The following CDH7 variants were observed in gnomAD, a reference collection of about 807,000 sequenced individuals.
The protein encoded by CDH7 is cadherin-7.
Under a neutral mutation model 71.8 loss-of-function variants are expected in CDH7, and 25 were observed. The ratio of observed to expected loss-of-function variants is 0.35; its 90% CI spans 0.25 to 0.49. The LOEUF (loss-of-function observed/expected upper bound fraction) is 0.49, where lower values mean the gene tolerates loss of function less well. CDH7 is among the 20% of genes least tolerant of loss of function. The probability of loss-of-function intolerance (pLI) is 0.99; values close to 1 mark genes in which losing one functional copy is unlikely to be tolerated. For synonymous variants in CDH7, 381 were observed against 363.8 expected (o/e 1.05, Z -0.54); for missense variants, 862 against 974.6 (o/e 0.88, Z 1.54).
chr18:65,864,446 T>G (rs1228737973), intron 11 of CDH7, among the ~76,000 whole-genome samples: 3 of 151,808 alleles, frequency 2.0e-5, no homozygotes, highest in Non-Finnish European at 4.4e-5. Flanking sequence ...TAGTCTATTT[T>G]ATGTGTGGCC....
At chr18:65,808,999 T>C (rs1487975621) in intron 2 of CDH7, among the ~76,000 whole-genome samples, 1 of 152,226 alleles carries the variant, frequency 6.6e-6, no homozygotes, top group Non-Finnish European at 1.5e-5. Flanking sequence ...GGTGCTGCCC[T>C]GCTGCTGATG....
In CDH7 at chr18:65,844,075, CATT is replaced by C. The variant is rs1568215710; in HGVS notation, c.1235+11_1235+13del. On this transcript the variant is annotated intron_variant, in intron 7 of 11. Coordinates refer to ENST00000397968, the MANE Select transcript of CDH7 (RefSeq NM_004361.5). ...CCAATAGCCCTGTGAGGTAAAAACTCATTGTTGTCCTTTTCTATGGTTTTACAA... is the reference window on the plus strand; with the variant it reads ...CCAATAGCCCTGTGAGGTAAAAACTCGTTGTCCTTTTCTATGGTTTTACAA... 15 of 1,609,172 alleles carry C rather than the reference CATT, an allele frequency of 9.3e-6. No individual in the cohort carries two copies. Among genetic ancestry groups the C allele is most frequent in the South Asian group, 2.2e-5 (2 of 90,882 alleles).
chr18:65,880,536 A>C lies in CDH7; in HGVS notation c.2000A>C (p.Asp667Ala). The change falls in exon 12 of 12, where the codon GAC becomes GCC. Residue 667 changes from aspartate to alanine, a missense_variant. By Grantham distance (126) the Asp-to-Ala change is moderately radical. Coordinates refer to ENST00000397968, the MANE Select transcript of CDH7 (RefSeq NM_004361.5). ...GGAGAGGAGGACACGGAAGCGTTTGACATGGCTGCACTGAGAAACCTCAAC... is the reference window on the plus strand; with the variant it reads ...GGAGAGGAGGACACGGAAGCGTTTGCCATGGCTGCACTGAGAAACCTCAAC... Reference protein sequence around the residue: ...GGGEEDTEAFDMAALRNLNVI... With the variant: ...GGGEEDTEAFAMAALRNLNVI... 6.2e-7 allele frequency: 1 copy of C among 1,613,806 alleles called. No individual in the cohort carries two copies. The highest frequency in any genetic ancestry group is 8.5e-7 in the Non-Finnish European group (1 of 1,179,950).
chr18:65,774,139 T>G (rs1267435978), intron 2 of CDH7, among the ~76,000 whole-genome samples: 4 of 152,006 alleles, frequency 2.6e-5, no homozygotes, highest in Non-Finnish European at 5.9e-5. Flanking sequence ...TTTCTGTTGA[T>G]ATTGGCATAA....
chr18:65,764,411 G>T (rs749330750), intron 2 of CDH7, among the ~76,000 whole-genome samples: 2 of 151,884 alleles, frequency 1.3e-5, no homozygotes, highest in African/African-American at 2.4e-5. Context: ...AAATACAGAG[G>T]TGTTTTGTGT....
intron 6 of CDH7, among the ~76,000 whole-genome samples, chr18:65,832,930 T>TA (rs1049990225): frequency 2.6e-5 from 4 of 151,812 alleles, no homozygotes; most frequent in East Asian, 1.9e-4. Context: ...TACTATAGAG[T>TA]AAAAAAAATG....
intron 2 of CDH7, among the ~76,000 whole-genome samples, chr18:65,782,974 A>G (rs1910369698): frequency 6.6e-6 from 1 of 152,200 alleles, no homozygotes; most frequent in African/African-American, 2.4e-5. Context: ...GACTGCAAAA[A>G]GGATAACTGT....
At position 65,809,643 on chromosome 18, in the gene CDH7, A is replaced by C. The variant is rs1448442520; in HGVS notation, c.211-61A>C. The C allele has an allele frequency of 3.0e-6, 4 of 1,343,786 alleles. No homozygotes were observed. In the African/African-American group the frequency reaches 5.9e-5, roughly 20 times the overall value. The allele number at this position is 1,343,786 out of a possible 1,614,324, so 83.2% of individuals were successfully genotyped here. ...TGCCTGACATAAGAATTATTTTTAC[A>C]TATCTCCATATCACTGACTCTCTTG... is the stretch of plus-strand genomic sequence containing the variant. On this transcript the variant is annotated intron_variant, in intron 2 of 11. Transcript: ENST00000397968.
intron 3 of CDH7, among the ~76,000 whole-genome samples, chr18:65,813,541 TATGTTA>T (rs1377817647): frequency 1.2e-4 from 19 of 152,180 alleles, no homozygotes; most frequent in African/African-American, 4.1e-4. Flanking sequence ...AATCTAAAAA[TATGTTA>T]GCTTTAAAAT....
chr18:65,844,174 G>GATTTTTATAT (rs71167157), intron 7 of CDH7, 109 bp downstream of exon 7: 2 of 222,150 alleles, frequency 9.0e-6, no homozygotes, highest in African/African-American at 6.2e-5. Flanking sequence ...ATAAAAACCA[G>GATTTTTATAT]ATATATATAT....
intron 3 of CDH7, among the ~76,000 whole-genome samples, chr18:65,812,068 A>C (rs1315761272): frequency 7.2e-6 from 1 of 139,848 alleles, no homozygotes; most frequent in East Asian, 2.3e-4. Context: ...TCCCGAGTTC[A>C]AGCAATTCTC....
chr18:65,810,093 A>C (rs917428298), intron 3 of CDH7, 95 bp downstream of exon 3: 2 of 1,053,568 alleles, frequency 1.9e-6, no homozygotes, highest in African/African-American at 1.6e-5. Flanking sequence ...AAAAAAAAAA[A>C]ACCTTACTAG....
At chr18:65,866,819 GCT>G (rs796305811) in intron 11 of CDH7, among the ~76,000 whole-genome samples, 33 of 151,278 alleles carry the variant, frequency 2.2e-4, no homozygotes, top group African/African-American at 7.5e-4. Context: ...TCTCATTCTT[GCT>G]CTCTCTCTAA....
intron 2 of CDH7, among the ~76,000 whole-genome samples, chr18:65,783,373 C>T (rs1910384478): frequency 6.6e-6 from 1 of 152,160 alleles, no homozygotes; most frequent in African/African-American, 2.4e-5. Context: ...CATCACTCAT[C>T]ATCCAGCATC....
In CDH7 at chr18:65,809,889, C is replaced by A; in HGVS notation, c.396C>A (p.Pro132=). 6.2e-7 allele frequency: 1 copy of A among 1,613,940 alleles called. No individual in the cohort carries two copies. Among genetic ancestry groups the A allele is most frequent in the Non-Finnish European group, 8.5e-7 (1 of 1,179,978 alleles). Residue 132 remains proline (P), a synonymous_variant, in exon 3 of 12, where the codon CCC becomes CCA. Coordinates refer to ENST00000397968, the MANE Select transcript of CDH7 (RefSeq NM_004361.5). The part of the protein sequence containing the change: ...AQALDRLTNK[P]VEPESEFVIK... The stretch of plus-strand genomic sequence containing the variant: ...CGCTGGATAGGCTCACCAACAAACC[C>A]GTGGAGCCCGAGTCGGAGTTTGTCA...
Position 65,888,265 on chromosome 18 carries a change from G to A in CDH7, c.*7371G>A, listed in dbSNP as rs2144087259. 6.6e-6 allele frequency: 1 copy of A among 152,292 alleles called. No homozygotes were observed. Among genetic ancestry groups the A allele is most frequent in the Non-Finnish European group, 1.5e-5 (1 of 68,018 alleles). 9.4% of individuals were successfully genotyped at this position (152,292 alleles called of 1,614,324 possible). The stretch of plus-strand genomic sequence containing the variant: ...TGTACTCTGAATTGGAATAAGTGTA[G>A]GAAGACAAGCCGTGAGAATGTGAGA... On this transcript the variant is annotated 3_prime_UTR_variant, in exon 12 of 12. Coordinates refer to ENST00000397968, the MANE Select transcript of CDH7 (RefSeq NM_004361.5).
At position 65,809,796 on chromosome 18, in the gene CDH7, T is replaced by C. The variant is rs747494494; in HGVS notation, c.303T>C (p.Thr101=). The part of the protein sequence containing the change: ...ASSIFIIDEN[T]GDIHATKRLD... The stretch of plus-strand genomic sequence containing the variant: ...CCATTTTCATTATTGATGAGAACAC[T>C]GGGGATATTCATGCCACCAAGAGAC... The change falls in exon 3 of 12, where the codon ACT becomes ACC. Residue 101 remains threonine (T), a synonymous_variant. Coordinates refer to ENST00000397968, the MANE Select transcript of CDH7 (RefSeq NM_004361.5). 6.4e-5 allele frequency: 104 copies of C among 1,613,898 alleles called. No homozygotes were observed. Among genetic ancestry groups the C allele is most frequent in the Non-Finnish European group, 8.3e-5 (98 of 1,179,936 alleles).
intron 2 of CDH7, among the ~76,000 whole-genome samples, chr18:65,795,551 T>C (rs1910880161): frequency 6.6e-6 from 1 of 152,190 alleles, no homozygotes; most frequent in Non-Finnish European, 1.5e-5. Flanking sequence ...AGAGAAAATG[T>C]ATAACGTTGT....
At chr18:65,868,487 C>T (rs1210540082) in intron 11 of CDH7, among the ~76,000 whole-genome samples, 1 of 152,158 alleles carries the variant, frequency 6.6e-6, no homozygotes, top group Admixed American at 6.5e-5. Flanking sequence ...TATGTTTCCC[C>T]ACGTGAAAGA....
Sources: gnomAD v4.1 joint callset for allele counts (sites outside exome capture counted in the v4.1 genomes callset) on GRCh38, gnomAD v4.1.1 for gene constraint, MANE v1.5 for transcripts, NCBI Gene and HGNC (gene_info 2026-07-23, HGNC 2026-07-21) for gene names.